Variants in RBFOX1 observed in about 807,000 individuals in gnomAD.
RBFOX1 encodes RNA binding fox-1 homolog 1, also known as RNA binding protein fox-1 homolog 1.
RBFOX1 carries 8 observed loss-of-function variants against 57.7 expected under a neutral mutation model. The ratio of observed to expected loss-of-function variants is 0.14; its 90% CI spans 0.08 to 0.25. The LOEUF (loss-of-function observed/expected upper bound fraction) is 0.25, where lower values mean the gene tolerates loss of function less well. Among genes scored for constraint, RBFOX1 ranks in the 10% least tolerant of loss-of-function variants. The pLI, the probability that RBFOX1 is intolerant of heterozygous loss-of-function variation, is 1.00. For synonymous variants in RBFOX1, 326 were observed against 222.4 expected (o/e 1.47, Z -4.15); for missense variants, 611 against 548.5 (o/e 1.11, Z -1.14).
At chr16:6,094,496 A>G (rs114128240) in intron 1 of RBFOX1, among the ~76,000 whole-genome samples, 1,992 of 152,334 alleles carry the variant, frequency 0.013, 24 homozygotes, top group African/African-American at 0.034. Context: ...CTCACTAGAC[A>G]TTAGAATACC....
intron 14 of RBFOX1, among the ~76,000 whole-genome samples, chr16:7,694,474 G>C (rs991182289): frequency 6.6e-6 from 1 of 152,210 alleles, no homozygotes; most frequent in African/African-American, 2.4e-5. Context: ...TATATGGTCA[G>C]CCTCAACCTT....
intron 14 of RBFOX1, among the ~76,000 whole-genome samples, chr16:7,689,662 G>A (rs1018882810): frequency 1.1e-4 from 16 of 152,056 alleles, no homozygotes; most frequent in African/African-American, 3.6e-4. Context: ...GTAGAATATA[G>A]AAAAGTTGTG....
At chr16:5,836,423 C>T (rs191333763) in intron 3 of RBFOX1, among the ~76,000 whole-genome samples, 6 of 152,314 alleles carry the variant, frequency 3.9e-5, no homozygotes, top group African/African-American at 1.4e-4. Context: ...TGGAGACACT[C>T]AGTCATACCT....
chr16:5,952,930 T>TGGCCGGGCGCGGTGGCTCACGCCTG (rs2059549876), intron 4 of RBFOX1, among the ~76,000 whole-genome samples: 1 of 152,174 alleles, frequency 6.6e-6, no homozygotes, highest in South Asian at 2.1e-4. Flanking sequence ...ATCTTTTTAT[T>TGGCCGGGCGCGGTGGCTCACGCCTG]TAATTTGCTT....
intron 1 of RBFOX1, among the ~76,000 whole-genome samples, chr16:5,406,596 A>G (rs1160262468): frequency 6.6e-6 from 1 of 151,882 alleles, no homozygotes; most frequent in Non-Finnish European, 1.5e-5. Context: ...CTCTCTATAT[A>G]TATGTATATA....
chr16:6,808,308 T>C lies in RBFOX1; in HGVS notation c.-16+153658T>C, dbSNP rs2087464993. Among the ~76,000 whole-genome samples the C allele has an allele frequency of 3.3e-5, 5 of 151,906 alleles. 1 individual carries two copies. The South Asian group carries it at 8.3e-4, about 25-fold the overall frequency. ...CTTTTTCTCTCCTGCCTTTCTAATA[T>C]CACCCCACCACTGATTCCCATCTGA... is the stretch of plus-strand genomic sequence containing the variant. On this transcript the variant is annotated intron_variant, in intron 3 of 15. Transcript: ENST00000550418.
intron 1 of RBFOX1, among the ~76,000 whole-genome samples, chr16:5,311,220 G>GTACA (rs909030249): frequency 6.6e-6 from 1 of 151,908 alleles, no homozygotes; most frequent in South Asian, 2.1e-4. Flanking sequence ...TTGTATGTAT[G>GTACA]TACATACATA....
intron 14 of RBFOX1, among the ~76,000 whole-genome samples, chr16:7,681,954 G>A (rs957013185): frequency 9.2e-5 from 14 of 152,062 alleles, no homozygotes; most frequent in African/African-American, 3.1e-4. Context: ...TTATTCTAGT[G>A]CCGTATTGAA....
At chr16:6,991,226 G>A (rs1466195441) in intron 3 of RBFOX1, among the ~76,000 whole-genome samples, 1 of 151,722 alleles carries the variant, frequency 6.6e-6, no homozygotes, top group Non-Finnish European at 1.5e-5. Flanking sequence ...CTTGAGCCTG[G>A]GAGGCAGAGG....
intron 2 of RBFOX1, among the ~76,000 whole-genome samples, chr16:5,560,168 G>T (rs530575329): frequency 2.0e-5 from 3 of 152,098 alleles, no homozygotes; most frequent in East Asian, 3.9e-4. Flanking sequence ...TCTTTCCCTT[G>T]TGCACACACT....
intron 2 of RBFOX1, among the ~76,000 whole-genome samples, chr16:5,486,914 G>A (rs1206957520): frequency 1.3e-5 from 2 of 152,028 alleles, no homozygotes; most frequent in Admixed American, 1.3e-4. Context: ...CACCTCAGCA[G>A]CCTCTCTCAG....
intron 2 of RBFOX1, among the ~76,000 whole-genome samples, chr16:5,470,152 C>T (rs1235981759): frequency 1.3e-5 from 2 of 152,192 alleles, no homozygotes; most frequent in African/African-American, 4.8e-5. Flanking sequence ...GGAACAGAGC[C>T]GAGGTCTCAA....
At chr16:7,634,783 G>T (rs1185283652) in intron 11 of RBFOX1, among the ~76,000 whole-genome samples, 2 of 152,148 alleles carry the variant, frequency 1.3e-5, no homozygotes, top group African/African-American at 4.8e-5. Context: ...AGGTCATCAT[G>T]CATCCTCTTA....
At chr16:6,455,645 T>C (rs1241181784) in intron 2 of RBFOX1, among the ~76,000 whole-genome samples, 1 of 152,192 alleles carries the variant, frequency 6.6e-6, no homozygotes, top group Non-Finnish European at 1.5e-5. Flanking sequence ...TATAGACAGG[T>C]ACCTCATATC....
intron 4 of RBFOX1, among the ~76,000 whole-genome samples, chr16:5,894,093 G>T (rs932104480): frequency 6.6e-5 from 10 of 152,062 alleles, no homozygotes; most frequent in African/African-American, 2.2e-4. Flanking sequence ...GGTGAGGGAG[G>T]AGGGGAGAGA....
chr16:7,494,297 A>C (rs991906886), intron 4 of RBFOX1, among the ~76,000 whole-genome samples: 5 of 152,156 alleles, frequency 3.3e-5, no homozygotes, highest in Non-Finnish European at 7.4e-5. Context: ...AGCTCAATTC[A>C]GTATTTTAAA....
intron 3 of RBFOX1, chr16:6,873,824 C>T (rs901270014): frequency 3.3e-5 from 5 of 152,088 alleles, no homozygotes; most frequent in African/African-American, 9.7e-5. Flanking sequence ...GATAAGGAAA[C>T]CGAGACTTTG....
intron 3 of RBFOX1, among the ~76,000 whole-genome samples, chr16:6,902,263 C>A (rs77431054): frequency 6.6e-6 from 1 of 152,090 alleles, no homozygotes; most frequent in African/African-American, 2.4e-5. Flanking sequence ...ATTGAAGCCC[C>A]GTTTTTGTTT....
chr16:5,240,446 T>A (rs1348225233), intron 1 of RBFOX1, among the ~76,000 whole-genome samples: 1 of 152,052 alleles, frequency 6.6e-6, no homozygotes, highest in East Asian at 1.9e-4. Context: ...GTCTGGGGCA[T>A]CTGTCTGGGA....
Sources: gnomAD v4.1 joint callset for allele counts (sites outside exome capture counted in the v4.1 genomes callset) on GRCh38, gnomAD v4.1.1 for gene constraint, MANE v1.5 for transcripts, NCBI Gene and HGNC (gene_info 2026-07-23, HGNC 2026-07-21) for gene names.